Variants in PSME4 observed in about 807,000 individuals in gnomAD.
The protein encoded by PSME4 is proteasome activator complex subunit 4.
PSME4 carries 89 observed loss-of-function variants against 253.9 expected under a neutral mutation model. The observed-to-expected ratio is 0.35, with a 90% CI of 0.30 to 0.42. The LOEUF (loss-of-function observed/expected upper bound fraction) is 0.42. Among genes scored for constraint, PSME4 ranks in the 10% least tolerant of loss-of-function variants. The probability of loss-of-function intolerance (pLI) is 1.00; values close to 1 mark genes in which losing one functional copy is unlikely to be tolerated. For synonymous variants in PSME4, 851 were observed against 759.2 expected (o/e 1.12, Z -1.99); for missense variants, 2,014 against 2,195.2 (o/e 0.92, Z 1.65).
At chr2:53,936,621 A>T (rs1669128700) in intron 6 of PSME4, 143 bp downstream of exon 6, 2 of 565,882 alleles carry the variant, frequency 3.5e-6, no homozygotes. Context: ...ACTGATCATA[A>T]CATGGCTAAC....
intron 3 of PSME4, among the ~76,000 whole-genome samples, chr2:53,945,047 T>A (rs1290325039): frequency 6.6e-6 from 1 of 152,148 alleles, no homozygotes; most frequent in African/African-American, 2.4e-5. Flanking sequence ...GATGCAAATA[T>A]GAAAACCTTT....
rs1553408780 is a variant in PSME4 at position 53,897,172 on chromosome 2, T to TTTG, written c.3607-288_3607-287insCAA. Among the ~76,000 whole-genome samples, 36 of 150,784 alleles carry TTTG rather than the reference T, an allele frequency of 2.4e-4. 1 individual carries two copies. The highest frequency in any genetic ancestry group is 2.4e-3 in the Admixed American group (36 of 15,164). ...CTTCAAATCTTAGCCTCAGGGTTTT[T>TTTG]TTTTTTTTTTTTTTTGACAGAGTTT... On this transcript the variant is annotated intron_variant, in intron 31 of 46. Coordinates refer to ENST00000404125, the MANE Select transcript of PSME4 (RefSeq NM_014614.3).
rs1456059199 is a variant in PSME4, at chr2:53,922,542, A to G, written c.2021T>C (p.Leu674Pro). Residue 674 changes from leucine to proline, a missense_variant, in exon 17 of 47, where the codon CTA (leucine) becomes CCA (proline). This residue lies in a region of PSME4 where 989 missense variants were observed against 1,021.1 expected (regional missense o/e 0.97). Coordinates refer to ENST00000404125, the MANE Select transcript of PSME4 (RefSeq NM_014614.3). ...CTCAGACAAAAGTTGAAGATTCCAT[A>G]GTAATTCCTTGTCTAGCTCTTCATC... ...LNDEELDKEL[L>P]WNLQLLSEIT... 1 of 1,612,790 alleles carries G rather than the reference A, an allele frequency of 6.2e-7. No individual in the cohort carries two copies. The highest frequency in any genetic ancestry group is 1.7e-5 in the Admixed American group (1 of 59,832).
chr2:53,881,421 T>C (rs1302211416), intron 41 of PSME4: 2 of 152,168 alleles, frequency 1.3e-5, no homozygotes, highest in African/African-American at 4.8e-5. Flanking sequence ...TAAAATACAG[T>C]TAAAGATTAG....
chr2:53,968,838 G>A (rs1376925747), intron 1 of PSME4, among the ~76,000 whole-genome samples: 5 of 152,108 alleles, frequency 3.3e-5, no homozygotes, highest in Admixed American at 2.6e-4. Context: ...AACAAAACTC[G>A]GAGTGCTAAT....
chr2:53,939,247 A>G (rs1669268303), intron 4 of PSME4, among the ~76,000 whole-genome samples: 1 of 152,232 alleles, frequency 6.6e-6, no homozygotes, highest in African/African-American at 2.4e-5. Flanking sequence ...TTACAAGCAT[A>G]TAATACATGG....
intron 20 of PSME4, 137 bp downstream of exon 20, chr2:53,919,014 T>C: frequency 1.3e-6 from 1 of 773,474 alleles, no homozygotes; most frequent in Non-Finnish European, 2.0e-6. Flanking sequence ...ACCTCTGGTA[T>C]TTTTGACCTT....
At chr2:53,932,334 T>G (rs1211956745) in intron 9 of PSME4, among the ~76,000 whole-genome samples, 1 of 152,098 alleles carries the variant, frequency 6.6e-6, no homozygotes, top group Non-Finnish European at 1.5e-5. Flanking sequence ...GCACATAATT[T>G]TCCATTACAT....
chr2:53,919,337 T>C lies in PSME4; in HGVS notation c.2421-91A>G, dbSNP rs911651525. ...GCACAGAAGTTTTCTCACGTGGGGA[T>C]ATAAATGATTAAGGTAAAGAAATAG... On this transcript the variant is annotated intron_variant, in intron 19 of 46. Coordinates refer to ENST00000404125, the MANE Select transcript of PSME4 (RefSeq NM_014614.3). 2.5e-5 allele frequency: 35 copies of C among 1,410,934 alleles called. 1 individual carries two copies. In the Admixed American group the frequency reaches 1.1e-3, roughly 44 times the overall value. 87.4% of individuals were successfully genotyped at this position (1,410,934 alleles called of 1,614,324 possible). A position where few individuals can be genotyped will look rare whatever the true frequency, so the allele number is the denominator to read the frequency against.
intron 1 of PSME4, among the ~76,000 whole-genome samples, chr2:53,949,758 T>C (rs756263816): frequency 6.6e-6 from 1 of 152,170 alleles, no homozygotes; most frequent in African/African-American, 2.4e-5. Context: ...TGTTATTCAA[T>C]GGGTATAGTT....
chr2:53,947,696 A>G (rs1014220542), intron 3 of PSME4, among the ~76,000 whole-genome samples: 3 of 145,818 alleles, frequency 2.1e-5, no homozygotes, highest in Non-Finnish European at 3.0e-5. Context: ...ACAGAGCGAG[A>G]CTCCATCTCA....
chr2:53,920,766 AAT>A, intron 18 of PSME4, 121 bp downstream of exon 18: 1 of 818,788 alleles, frequency 1.2e-6, no homozygotes, highest in Non-Finnish European at 1.9e-6. Context: ...ATATTCCAAT[AAT>A]AGTTTCAATA....
rs372372678 is a variant in PSME4, at chr2:53,910,118, C to T, written c.2529G>A (p.Met843Ile). The T allele has an allele frequency of 8.1e-6, 13 of 1,606,040 alleles. No homozygotes were observed. Among genetic ancestry groups the T allele is most frequent in the Non-Finnish European group, 7.7e-6 (9 of 1,172,880 alleles). ...ACAACTTTGTCTCTTCCAAGGACAC[C>T]ATACTTGGTACTCTGTATAAAAACA... is the stretch of plus-strand genomic sequence containing the variant. ...GEPVTNLVPS[M>I]VSLEETKLYT... The change falls in exon 21 of 47, where the codon ATG (methionine) becomes ATA (isoleucine). Residue 843 changes from methionine (M) to isoleucine (I), a missense_variant. Around this residue, in one of 4 missense-constraint regions of PSME4, gnomAD observed 989 missense variants for 1,021.1 expected, o/e 0.97. Coordinates refer to ENST00000404125, the MANE Select transcript of PSME4 (RefSeq NM_014614.3).
intron 1 of PSME4, among the ~76,000 whole-genome samples, chr2:53,950,953 A>T (rs1014439588): frequency 6.6e-6 from 1 of 152,220 alleles, no homozygotes; most frequent in African/African-American, 2.4e-5. Flanking sequence ...TGTAGACTTA[A>T]AATCATAAAA....
intron 36 of PSME4, among the ~76,000 whole-genome samples, chr2:53,890,863 C>CA (rs896821525): frequency 6.6e-6 from 1 of 151,550 alleles, no homozygotes; most frequent in Non-Finnish European, 1.5e-5. Flanking sequence ...CATGTCTCTA[C>CA]AAAAAAAATA....
intron 1 of PSME4, among the ~76,000 whole-genome samples, chr2:53,967,965 G>C (rs1670824364): frequency 6.6e-6 from 1 of 152,052 alleles, no homozygotes; most frequent in African/African-American, 2.4e-5. Context: ...TACCAGAGTA[G>C]AAATGCTTCT....
In PSME4 at chr2:53,875,610, A is replaced by G. The variant is rs927982376; in HGVS notation, c.4944+17T>C. ...AAAATCCTAATCAAAAGACATAAAT[A>G]TTATAAACACTCTTACTTGTTTTAG... On this transcript the variant is annotated intron_variant, in intron 42 of 46. Transcript: ENST00000404125. 1 of 1,595,736 alleles carries G rather than the reference A, an allele frequency of 6.3e-7. No homozygotes were observed. The highest frequency in any genetic ancestry group is 8.5e-7 in the Non-Finnish European group (1 of 1,173,720).
intron 1 of PSME4, 51 bp from the exon 2 acceptor site, chr2:53,949,334 C>A: frequency 8.1e-7 from 1 of 1,237,102 alleles, no homozygotes; most frequent in Non-Finnish European, 1.1e-6. Flanking sequence ...GATGACACAT[C>A]CATGTTCAAT....
At chr2:53,875,590 C>A in intron 42 of PSME4, 37 bp downstream of exon 42, 1 of 1,568,532 alleles carries the variant, frequency 6.4e-7, no homozygotes, top group South Asian at 1.2e-5. Flanking sequence ...AAACCAAAAT[C>A]CTAATCAAAA....
Sources: allele counts gnomAD v4.1 joint callset (sites outside exome capture counted in the v4.1 genomes callset), GRCh38; gene constraint gnomAD v4.1.1; regional missense constraint gnomAD v4.1.1; transcripts MANE v1.5; gene names NCBI Gene and HGNC (gene_info 2026-07-23, HGNC 2026-07-21).